The following HAP1 variants were observed in gnomAD, a reference collection of about 807,000 sequenced individuals.
HAP1 encodes huntingtin-associated protein 1.
HAP1 carries 59 observed loss-of-function variants against 60.3 expected under a neutral mutation model. The observed-to-expected ratio is 0.98, with a 90% CI of 0.79 to 1.22. The LOEUF is 1.22. HAP1 is among the 50% of genes most tolerant of loss of function. HAP1 has a pLI of 0.00. For synonymous variants in HAP1, 346 were observed against 330.6 expected, an observed-to-expected ratio of 1.05 and a Z score of -0.50; for missense variants, 825 against 785.3, an observed-to-expected ratio of 1.05 and a Z score of -0.60.
chr17:41,728,205 C>T lies in HAP1; in HGVS notation c.1196G>A (p.Arg399Gln), dbSNP rs138230203. The change falls in exon 7 of 11, where the codon CGG (arginine) becomes CAG (glutamine). Residue 399 changes from arginine to glutamine, a missense_variant. Physicochemically the swap from Arg to Gln is conservative, Grantham distance 43. Transcript: ENST00000347901. ...TTCCACACACACCCGACTCACCATC[C>T]GGCAGCGCTGCTGCAGCTTCAGCAC... The part of the protein sequence containing the change: ...AQVLKLQQRC[R>Q]MYGAETEKLQ... 2.7e-5 allele frequency: 43 copies of T among 1,611,106 alleles called. No individual in the cohort carries two copies. The highest frequency in any genetic ancestry group is 8.3e-5 in the Admixed American group (5 of 59,980).
intron 3 of HAP1, 26 bp from the exon 4 acceptor site, chr17:41,732,144 G>A (rs782414773): frequency 3.1e-6 from 5 of 1,612,460 alleles, no homozygotes; most frequent in East Asian, 4.5e-5. Context: ...AGGAGCCATG[G>A]GTTGGGAGTG....
Position 41,734,607 on chromosome 17 carries a change from A to T in HAP1, c.28T>A (p.Cys10Ser), listed in dbSNP as rs2143280580. 1 of 1,564,652 alleles carries T rather than the reference A, an allele frequency of 6.4e-7. No homozygotes were observed. ...CCGGGTCCGAGCCGGCTCCCCGCGC[A>T]GCACCGGCCCAACCTCTTCGGGCGC... is the stretch of plus-strand genomic sequence containing the variant. The part of the protein sequence containing the change: MRPKRLGRC[C>S]AGSRLGPGDP... The change falls in exon 1 of 11, where the codon TGC becomes AGC. Residue 10 changes from cysteine to serine, a missense_variant. Coordinates refer to ENST00000347901, the MANE Select transcript of HAP1 (RefSeq NM_177977.3).
At chr17:41,719,550 G>A (rs997140511), downstream of HAP1, among the ~76,000 whole-genome samples, 3 of 151,918 alleles carry the variant, frequency 2.0e-5, no homozygotes, top group African/African-American at 7.3e-5. Flanking sequence ...AAAATTAGCT[G>A]GGCATGGTGT....
intron 8 of HAP1, 31 bp from the exon 9 acceptor site, chr17:41,727,175 G>T (rs558587462): frequency 1.7e-6 from 2 of 1,180,500 alleles, no homozygotes; most frequent in South Asian, 1.2e-5. Context: ...GTTACCAGAG[G>T]ACCCCCACAG....
In HAP1 at chr17:41,731,504, A is replaced by G. The variant is rs782391204; in HGVS notation, c.1058T>C (p.Val353Ala). The part of the protein sequence containing the change: ...DEEQMLILEC[V>A]EQFSEASQQM... ...ACAACATTACGTACAAAACTGCTCC[A>G]CACACTCCAGAATGAGCATCTGTTC... The change falls in exon 6 of 11, where the codon GTG (valine) becomes GCG (alanine). Residue 353 changes from valine to alanine, a missense_variant. Val to Ala is a moderately conservative substitution (Grantham distance 64). Coordinates refer to ENST00000347901, the MANE Select transcript of HAP1 (RefSeq NM_177977.3). 1.5e-5 allele frequency: 24 copies of G among 1,610,102 alleles called. No homozygotes were observed. Among genetic ancestry groups the G allele is most frequent in the Non-Finnish European group, 2.0e-5 (24 of 1,176,364 alleles).
In HAP1 at chr17:41,732,730, A is replaced by C; in HGVS notation, c.538T>G (p.Leu180Val). The change falls in exon 2 of 11, where the codon TTG (leucine) becomes GTG (valine). Residue 180 changes from leucine to valine, a missense_variant. Leu to Val is a conservative substitution (Grantham distance 32, BLOSUM62 1). Coordinates refer to ENST00000347901, the MANE Select transcript of HAP1 (RefSeq NM_177977.3). ...AAGGCAGTACACACCTCCTCCAGCA[A>C]ATATAACATCACTTTGACGTCTTCC... ...TQEDVKVMLY[L>V]LEELLPPVWE... is the part of the protein sequence containing the mutation. The C allele has an allele frequency of 1.2e-6, 2 of 1,612,130 alleles. No homozygotes were observed. The highest frequency in any genetic ancestry group is 1.7e-6 in the Non-Finnish European group (2 of 1,178,156).
At chr17:41,717,842 G>A, downstream of HAP1, 1 of 370,248 alleles carries the variant, frequency 2.7e-6, no homozygotes, top group East Asian at 7.6e-5. Flanking sequence ...AAGAATAGGA[G>A]GAACCCAATA....
downstream of HAP1, among the ~76,000 whole-genome samples, chr17:41,718,913 T>C (rs987082290): frequency 6.6e-6 from 1 of 152,220 alleles, no homozygotes; most frequent in East Asian, 1.9e-4. Flanking sequence ...TGGTTAATTA[T>C]GTTCTCAGCT....
chr17:41,717,896 G>A (rs1911044862), downstream of HAP1: 1 of 434,568 alleles, frequency 2.3e-6, no homozygotes, highest in East Asian at 7.4e-5. Context: ...TGCAGGCATT[G>A]CTGGTGTCTC....
In HAP1 at chr17:41,724,881, C is replaced by G; in HGVS notation, c.1680G>C (p.Leu560=). ...GTGAAGGGCCCAAGCCGCTGGCCTC[C>G]AGGGCTGATGTCACCACGTTCATCC... ...ATRMNVVTSA[L]EASGLGPSHL... Residue 560 remains leucine (L), a synonymous_variant, in exon 11 of 11, where the codon CTG becomes CTC. Coordinates refer to ENST00000347901, the MANE Select transcript of HAP1 (RefSeq NM_177977.3). 1 of 1,613,786 alleles carries G rather than the reference C, an allele frequency of 6.2e-7. No homozygotes were observed. The highest frequency in any genetic ancestry group is 1.1e-5 in the South Asian group (1 of 91,084).
chr17:41,717,875 T>G, downstream of HAP1: 1 of 418,166 alleles, frequency 2.4e-6, no homozygotes, highest in Non-Finnish European at 5.4e-6. Context: ...TAATTGCTCA[T>G]GAGTGGCTGG....
At chr17:41,730,918 T>G (rs2143246557) in intron 6 of HAP1, among the ~76,000 whole-genome samples, 1 of 149,060 alleles carries the variant, frequency 6.7e-6, no homozygotes, top group East Asian at 2.0e-4. Context: ...GACCCACCTT[T>G]TTTTTTTTTT....
downstream of HAP1, among the ~76,000 whole-genome samples, chr17:41,720,075 G>C (rs1911137450): frequency 6.6e-6 from 1 of 151,884 alleles, no homozygotes; most frequent in South Asian, 2.1e-4. Flanking sequence ...ATTTTTAGTA[G>C]AGGCGGGGTT....
At chr17:41,726,773 G>C (rs1249943537) in intron 9 of HAP1, among the ~76,000 whole-genome samples, 3 of 151,762 alleles carry the variant, frequency 2.0e-5, no homozygotes, top group African/African-American at 7.3e-5. Flanking sequence ...TGAAGCAGGA[G>C]AATTGCTTGA....
intron 1 of HAP1, 138 bp from the exon 2 acceptor site, chr17:41,732,936 T>C: frequency 3.1e-6 from 2 of 635,824 alleles, no homozygotes; most frequent in East Asian, 2.8e-5. Flanking sequence ...TGGGCTCCCC[T>C]CCTGCCCCCC....
In HAP1 at chr17:41,733,352, C is replaced by T. The variant is rs1456538943; in HGVS notation, c.470-554G>A. Among the ~76,000 whole-genome samples, 70 of 74,672 alleles carry T rather than the reference C, an allele frequency of 9.4e-4. No individual in the cohort carries two copies. The South Asian group carries it at 0.012, about 12-fold the overall frequency. The allele number at this position is 74,672 out of a possible 152,430, so 49.0% of individuals were successfully genotyped here. A position where few individuals can be genotyped will look rare whatever the true frequency, so the allele number is the denominator to read the frequency against. On this transcript the variant is annotated intron_variant, in intron 1 of 10. Coordinates refer to ENST00000347901, the MANE Select transcript of HAP1 (RefSeq NM_177977.3). ...TACAGGCGTCAGCCACCGCGCCCGGCTTTTTTTTTTTTTTTTTTTTTTTTA... is the reference window on the plus strand; with the variant it reads ...TACAGGCGTCAGCCACCGCGCCCGGTTTTTTTTTTTTTTTTTTTTTTTTTA...
chr17:41,717,831 C>A (rs1206538976), downstream of HAP1: 1 of 333,364 alleles, frequency 3.0e-6, no homozygotes, highest in South Asian at 2.4e-5. Context: ...TCCCCGGTGG[C>A]AAGAATAGGA....
rs370245004 is a variant in HAP1, at chr17:41,728,361, G to T, written c.1070-30C>A. On this transcript the variant is annotated intron_variant, in intron 6 of 10. Coordinates refer to ENST00000347901, the MANE Select transcript of HAP1 (RefSeq NM_177977.3). ...GGAGGGCAGAGGACAGGTCAGCCCT[G>T]GCTCCCCTGGCCTTCAGGGACCAGC... is the stretch of plus-strand genomic sequence containing the variant. The T allele has an allele frequency of 7.1e-5, 115 of 1,608,730 alleles. No homozygotes were observed. In the African/African-American group the frequency reaches 9.3e-4, roughly 13 times the overall value.
At chr17:41,730,488 G>A (rs543174214) in intron 6 of HAP1, 1 of 152,428 alleles carries the variant, frequency 6.6e-6, no homozygotes, top group African/African-American at 2.4e-5. Context: ...GACCAGTTAA[G>A]AGGTATCTTG....
Sources: gnomAD v4.1 joint callset for allele counts (sites outside exome capture counted in the v4.1 genomes callset) on GRCh38, gnomAD v4.1.1 for gene constraint, MANE v1.5 for transcripts, NCBI Gene and HGNC (gene_info 2026-07-23, HGNC 2026-07-21) for gene names.